GDI2: variants seen among roughly 807,000 people sequenced by gnomAD.
GDI2 encodes the protein GDP dissociation inhibitor 2, also known as rab GDP dissociation inhibitor beta.
In GDI2, 22 loss-of-function variants were observed where a neutral mutation model predicts 54.2. The observed-to-expected ratio is 0.41, with a 90% CI of 0.29 to 0.58. The LOEUF (loss-of-function observed/expected upper bound fraction) is 0.58, where lower values mean the gene tolerates loss of function less well. GDI2 is among the 20% of genes least tolerant of loss of function. The probability of loss-of-function intolerance (pLI) is 0.35; values close to 1 mark genes in which losing one functional copy is unlikely to be tolerated. For missense variants in GDI2, 422 were observed against 546.0 expected (o/e 0.77, Z 2.26); for synonymous variants, 177 against 182.1 (o/e 0.97, Z 0.23).
intron 6 of GDI2, among the ~76,000 whole-genome samples, chr10:5,783,509 CTTGTT>C (rs1382564572): frequency 1.3e-5 from 2 of 151,954 alleles, no homozygotes; most frequent in Non-Finnish European, 2.9e-5. Context: ...GCCTGAACAC[CTTGTT>C]TTTTTTCTTC....
At position 5,774,056 on chromosome 10, in the gene GDI2, G is replaced by C. The variant is rs1840561602; in HGVS notation, c.720-115C>G. 3 of 558,084 alleles carry C rather than the reference G, an allele frequency of 5.4e-6. No homozygotes were observed. The highest frequency in any genetic ancestry group is 9.3e-6 in the Non-Finnish European group (3 of 321,370). The allele number at this position is 558,084 out of a possible 1,614,324, so 34.6% of individuals were successfully genotyped here. ...TATACATTTGTTCAATTTCCTTCTAGAAAGATGTCAGCTTAGAAGTGATTA... is the reference window on the plus strand; with the variant it reads ...TATACATTTGTTCAATTTCCTTCTACAAAGATGTCAGCTTAGAAGTGATTA... On this transcript the variant is annotated intron_variant, in intron 6 of 10. Coordinates refer to ENST00000380191, the MANE Select transcript of GDI2 (RefSeq NM_001494.4). The surrounding 1 kb of genome is among the most constrained non-coding windows in gnomAD (Gnocchi z 4.8).
intron 1 of GDI2, among the ~76,000 whole-genome samples, chr10:5,812,832 G>A (rs1238501710): frequency 4.6e-5 from 7 of 152,192 alleles, no homozygotes; most frequent in African/African-American, 1.2e-4. Flanking sequence ...CGTCCCCTCC[G>A]CCTCGGGTGC....
chr10:5,792,228 C>T (rs1841034957), intron 4 of GDI2, among the ~76,000 whole-genome samples: 1 of 152,160 alleles, frequency 6.6e-6, no homozygotes, highest in Admixed American at 6.6e-5. Context: ...AAACCAGTTA[C>T]TAGCTATACT....
In GDI2 at chr10:5,776,523, G is replaced by C. The variant is rs1427552120; in HGVS notation, c.720-2582C>G. The C allele has an allele frequency of 1.4e-6, 2 of 1,479,118 alleles. No homozygotes were observed. Among genetic ancestry groups the C allele is most frequent in the Non-Finnish European group, 1.9e-6 (2 of 1,061,172 alleles). 91.6% of individuals were successfully genotyped at this position (1,479,118 alleles called of 1,614,324 possible). On this transcript the variant is annotated intron_variant, in intron 6 of 10. Coordinates refer to ENST00000380191, the MANE Select transcript of GDI2 (RefSeq NM_001494.4). The surrounding 1 kb of genome is among the most constrained non-coding windows in gnomAD (Gnocchi z 5.3). ...AGGCCCGAAAGATAAAACAATTATA[G>C]AGAAGCAGATTTGAAGAGGCATGTG...
At chr10:5,797,621 A>AGGAGAATCACATGAATATGGGAGGT (rs1841178374) in intron 2 of GDI2, among the ~76,000 whole-genome samples, 1 of 146,960 alleles carries the variant, frequency 6.8e-6, no homozygotes, top group African/African-American at 2.5e-5. Flanking sequence ...AGGCTGAGGC[A>AGGAGAATCACATGAATATGGGAGGT]GGAGAATCAC....
In GDI2 at chr10:5,791,577, G is replaced by A. The variant is rs1298429050; in HGVS notation, c.388+3308C>T. Among the ~76,000 whole-genome samples, 9 of 151,926 alleles carry A rather than the reference G, an allele frequency of 5.9e-5. No individual in the cohort carries two copies. The East Asian group carries it at 7.7e-4, about 13-fold the overall frequency. ...AGCCTGACCAACATGGAGAAACCCCGTCTCTACTAAAAATACAAAATTAGC... is the reference window on the plus strand; with the variant it reads ...AGCCTGACCAACATGGAGAAACCCCATCTCTACTAAAAATACAAAATTAGC... On this transcript the variant is annotated intron_variant, in intron 4 of 10. Coordinates refer to ENST00000380191, the MANE Select transcript of GDI2 (RefSeq NM_001494.4).
At chr10:5,795,372 T>G (rs1841122035) in intron 3 of GDI2, among the ~76,000 whole-genome samples, 1 of 152,122 alleles carries the variant, frequency 6.6e-6, no homozygotes, top group Non-Finnish European at 1.5e-5. Context: ...TCCACCCACC[T>G]TGGCCTCCCA....
intron 1 of GDI2, among the ~76,000 whole-genome samples, chr10:5,804,859 G>C (rs575489850): frequency 1.3e-5 from 2 of 150,534 alleles, no homozygotes; most frequent in East Asian, 3.9e-4. Flanking sequence ...TAAAGACAGA[G>C]TTTCTCTCTT....
intron 1 of GDI2, among the ~76,000 whole-genome samples, chr10:5,805,716 A>G (rs1841364452): frequency 6.6e-6 from 1 of 152,230 alleles, no homozygotes; most frequent in Non-Finnish European, 1.5e-5. Context: ...CTGGTCCAGG[A>G]CCAATTTCAA....
At chr10:5,791,855 G>C (rs1417042689) in intron 4 of GDI2, among the ~76,000 whole-genome samples, 2 of 152,092 alleles carry the variant, frequency 1.3e-5, no homozygotes, top group Non-Finnish European at 2.9e-5. Flanking sequence ...GACAGAGGTT[G>C]CAGTGAGCCA....
chr10:5,797,258 A>G (rs1391464780), intron 2 of GDI2, among the ~76,000 whole-genome samples: 1 of 152,112 alleles, frequency 6.6e-6, no homozygotes, highest in Non-Finnish European at 1.5e-5. Context: ...TAAAAATACA[A>G]AAATTGGCCA....
chr10:5,781,784 C>T (rs1001088252), intron 6 of GDI2, among the ~76,000 whole-genome samples: 1 of 152,154 alleles, frequency 6.6e-6, no homozygotes, highest in Non-Finnish European at 1.5e-5. Flanking sequence ...GAAGCCAAGG[C>T]AGGTGGATCA....
intron 4 of GDI2, among the ~76,000 whole-genome samples, chr10:5,789,063 AG>A (rs1471442030): frequency 6.6e-6 from 1 of 151,352 alleles, no homozygotes; most frequent in Non-Finnish European, 1.5e-5. Flanking sequence ...CACTATGCCC[AG>A]CCAGGTTTGT....
At chr10:5,812,994 C>A (rs1167321604) in intron 1 of GDI2, among the ~76,000 whole-genome samples, 1 of 152,192 alleles carries the variant, frequency 6.6e-6, no homozygotes, top group Non-Finnish European at 1.5e-5. Context: ...GCCCGCATCT[C>A]CATTTCCCCG....
Position 5,773,960 on chromosome 10 carries a change from C to G in GDI2, c.720-19G>C. Reference sequence around the variant, plus strand: ...ACTTAGCCTGGAAAATTTTTAAAATCCCAATTAATAATATATAGTTGTTTC... The same window carrying G: ...ACTTAGCCTGGAAAATTTTTAAAATGCCAATTAATAATATATAGTTGTTTC... On this transcript the variant is annotated intron_variant, in intron 6 of 10. Coordinates refer to ENST00000380191, the MANE Select transcript of GDI2 (RefSeq NM_001494.4). 9.7e-7 allele frequency: 1 copy of G among 1,027,108 alleles called. No individual in the cohort carries two copies. Among genetic ancestry groups the G allele is most frequent in the Non-Finnish European group, 1.5e-6 (1 of 667,492 alleles). The allele number at this position is 1,027,108 out of a possible 1,614,324, so 63.6% of individuals were successfully genotyped here.
chr10:5,811,558 A>G (rs1224120135), intron 1 of GDI2, among the ~76,000 whole-genome samples: 2 of 152,042 alleles, frequency 1.3e-5, no homozygotes, highest in African/African-American at 4.8e-5. Flanking sequence ...CGGTGGAACT[A>G]ACCGGCTCTT....
chr10:5,777,196 G>T (rs1840643127), intron 6 of GDI2, among the ~76,000 whole-genome samples: 1 of 152,218 alleles, frequency 6.6e-6, no homozygotes, highest in African/African-American at 2.4e-5. Flanking sequence ...AGTTATGCCA[G>T]GCACGGTGGC....
intron 4 of GDI2, among the ~76,000 whole-genome samples, chr10:5,790,652 A>G (rs1840990352): frequency 6.6e-6 from 1 of 151,742 alleles, no homozygotes; most frequent in Admixed American, 6.6e-5. Context: ...GTCTCAAAAA[A>G]CAAAAAAAAA....
At chr10:5,781,137 C>G (rs1430979687) in intron 6 of GDI2, among the ~76,000 whole-genome samples, 1 of 151,048 alleles carries the variant, frequency 6.6e-6, no homozygotes, top group African/African-American at 2.4e-5. Flanking sequence ...GAAGTCTTTC[C>G]AACAAATGCA....
Sources: gnomAD v4.1 joint callset for allele counts (sites outside exome capture counted in the v4.1 genomes callset) on GRCh38, gnomAD v4.1.1 for gene constraint, Gnocchi (gnomAD v3.1) non-coding constraint, MANE v1.5 for transcripts, NCBI Gene and HGNC (gene_info 2026-07-23, HGNC 2026-07-21) for gene names.